Variants in CTNNA2 observed in about 807,000 individuals in gnomAD.
The protein encoded by CTNNA2 is catenin alpha-2.
In CTNNA2, 42 loss-of-function variants were observed where a neutral mutation model predicts 101.0. The ratio of observed to expected loss-of-function variants is 0.42; its 90% CI spans 0.32 to 0.54. The LOEUF (loss-of-function observed/expected upper bound fraction) is 0.54, where lower values mean the gene tolerates loss of function less well. Ranked by LOEUF, CTNNA2 falls within the 20% of genes least tolerant of loss-of-function variation. CTNNA2 has a pLI of 0.14. For synonymous variants in CTNNA2, 450 were observed against 456.4 expected (o/e 0.99, Z 0.18); for missense variants, 871 against 1,223.1 (o/e 0.71, Z 4.29).
At chr2:79,479,780 CG>C (rs1671089105) in intron 4 of CTNNA2, among the ~76,000 whole-genome samples, 1 of 151,808 alleles carries the variant, frequency 6.6e-6, no homozygotes, top group Admixed American at 6.6e-5. Context: ...AAAATTAGCT[CG>C]GCATGGTGGT....
At chr2:80,385,682 G>A (rs144096714) in intron 7 of CTNNA2, among the ~76,000 whole-genome samples, 63 of 151,550 alleles carry the variant, frequency 4.2e-4, no homozygotes, top group Non-Finnish European at 6.8e-4. Context: ...CTTTCTTGCC[G>A]CAGTTTCTCT....
intron 11 of CTNNA2, among the ~76,000 whole-genome samples, chr2:80,546,385 A>G (rs576463496): frequency 1.4e-4 from 21 of 152,200 alleles, no homozygotes; most frequent in African/African-American, 5.1e-4. Context: ...GCCAGGGAAT[A>G]TGGGATTCAT....
intron 4 of CTNNA2, among the ~76,000 whole-genome samples, chr2:79,410,471 G>A (rs1382306502): frequency 6.6e-6 from 1 of 152,028 alleles, no homozygotes; most frequent in Admixed American, 6.6e-5. Flanking sequence ...TTTGAGATTT[G>A]TCCCATCAAT....
At chr2:79,396,817 C>CA (rs1678237389) in intron 4 of CTNNA2, among the ~76,000 whole-genome samples, 1 of 152,040 alleles carries the variant, frequency 6.6e-6, no homozygotes, top group South Asian at 2.1e-4. Flanking sequence ...TAAAATTGGG[C>CA]AAAAAATAAC....
At chr2:80,326,319 C>T (rs1474568774) in intron 7 of CTNNA2, among the ~76,000 whole-genome samples, 1 of 152,166 alleles carries the variant, frequency 6.6e-6, no homozygotes, top group African/African-American at 2.4e-5. Context: ...GTACACAGTA[C>T]ATGGAGATTT....
chr2:79,633,528 A>G (rs1679828878), intron 1 of CTNNA2, among the ~76,000 whole-genome samples: 1 of 152,216 alleles, frequency 6.6e-6, no homozygotes, highest in African/African-American at 2.4e-5. Context: ...TAGATGACCA[A>G]TATTTGAATG....
chr2:80,018,845 T>C (rs1193758067), intron 7 of CTNNA2, among the ~76,000 whole-genome samples: 1 of 151,376 alleles, frequency 6.6e-6, no homozygotes, highest in Non-Finnish European at 1.5e-5. Context: ...CTATATACCA[T>C]AGCCAATATC....
chr2:80,566,798 C>G (rs942135182), intron 12 of CTNNA2, among the ~76,000 whole-genome samples: 2 of 152,134 alleles, frequency 1.3e-5, no homozygotes, highest in African/African-American at 4.8e-5. Flanking sequence ...ATTCAAAGAT[C>G]AGTGTGCATG....
intron 1 of CTNNA2, among the ~76,000 whole-genome samples, chr2:79,616,292 C>T (rs1051092048): frequency 6.6e-6 from 1 of 152,020 alleles, no homozygotes; most frequent in Non-Finnish European, 1.5e-5. Flanking sequence ...GGGACACCTT[C>T]CAATCCTAAA....
intron 2 of CTNNA2, among the ~76,000 whole-genome samples, chr2:79,305,303 T>TACATATATATAC (rs924967710): frequency 6.7e-6 from 1 of 148,904 alleles, no homozygotes; most frequent in Non-Finnish European, 1.5e-5. Context: ...TGTATATATA[T>TACATATATATAC]ACATATATAT....
At chr2:79,893,508 C>G (rs995882129) in intron 6 of CTNNA2, among the ~76,000 whole-genome samples, 3 of 152,090 alleles carry the variant, frequency 2.0e-5, no homozygotes, top group East Asian at 1.9e-4. Flanking sequence ...TTAATATTGA[C>G]CAACTCTTTA....
chr2:79,611,784 TA>T (rs1678293036), intron 1 of CTNNA2, among the ~76,000 whole-genome samples: 1 of 152,144 alleles, frequency 6.6e-6, no homozygotes, highest in Non-Finnish European at 1.5e-5. Flanking sequence ...TTGATATGAT[TA>T]AAAAATGAAT....
intron 3 of CTNNA2, among the ~76,000 whole-genome samples, chr2:79,790,568 T>G (rs1675193649): frequency 6.6e-6 from 1 of 152,208 alleles, no homozygotes; most frequent in South Asian, 2.1e-4. Context: ...CTAACTTCAG[T>G]GTAATGTTAG....
At chr2:80,125,075 A>G (rs1702042713) in intron 7 of CTNNA2, among the ~76,000 whole-genome samples, 1 of 152,228 alleles carries the variant, frequency 6.6e-6, no homozygotes, top group Non-Finnish European at 1.5e-5. Context: ...AACATCAGTG[A>G]ACCAGTTTGG....
intron 1 of CTNNA2, among the ~76,000 whole-genome samples, chr2:79,616,920 G>A (rs1382207995): frequency 1.5e-5 from 2 of 135,488 alleles, no homozygotes; most frequent in Admixed American, 1.4e-4. Context: ...TTTTTTTTTC[G>A]AGACACAGTC....
chr2:79,983,088 C>CTA (rs149315130), intron 7 of CTNNA2, among the ~76,000 whole-genome samples: 3,184 of 150,934 alleles, frequency 0.021, 110 homozygotes, highest in African/African-American at 0.071. Context: ...TGGAAAGCAA[C>CTA]TATATAACCC....
In CTNNA2 at chr2:80,016,348, G is replaced by A. The variant is rs556656526; in HGVS notation, c.1056+106551G>A. On this transcript the variant is annotated intron_variant, in intron 7 of 18. Coordinates refer to ENST00000402739, the MANE Select transcript of CTNNA2 (RefSeq NM_001282597.3). ...ACAGTGCTGAGCGCTGGGTCAATAC[G>A]GAGTGCCAGGCTGCTCAGAAGGAAG... is the stretch of plus-strand genomic sequence containing the variant. Among the ~76,000 whole-genome samples, 10 of 152,228 alleles carry A rather than the reference G, an allele frequency of 6.6e-5. No homozygotes were observed. In the South Asian group the frequency reaches 8.3e-4, roughly 13 times the overall value.
At chr2:80,632,192 C>G (rs1672371298) in intron 18 of CTNNA2, among the ~76,000 whole-genome samples, 1 of 151,862 alleles carries the variant, frequency 6.6e-6, no homozygotes, top group Non-Finnish European at 1.5e-5. Flanking sequence ...GAGAACATAC[C>G]AGCATACCAG....
intron 2 of CTNNA2, among the ~76,000 whole-genome samples, chr2:79,307,677 G>A (rs1676278465): frequency 6.6e-6 from 1 of 152,162 alleles, no homozygotes; most frequent in Non-Finnish European, 1.5e-5. Context: ...GCTGCAATAA[G>A]CATGGGGGTA....
Sources: gnomAD v4.1 joint callset for allele counts (sites outside exome capture counted in the v4.1 genomes callset) on GRCh38, gnomAD v4.1.1 for gene constraint, MANE v1.5 for transcripts, NCBI Gene and HGNC (gene_info 2026-07-23, HGNC 2026-07-21) for gene names.